Variants in LOC400499 observed in about 807,000 individuals in gnomAD.
the LOC400499 span, among the ~76,000 whole-genome samples, chr16:11,407,684 G>C: frequency 1.3e-5 from 2 of 152,180 alleles, no homozygotes; most frequent in East Asian, 3.8e-4. Flanking sequence ...ATTATGCCTG[G>C]GTGCGTGTCA....
the LOC400499 span, chr16:11,478,554 G>A: frequency 5.0e-5 from 20 of 398,996 alleles, no homozygotes; most frequent in South Asian, 1.5e-3. Flanking sequence ...TGGCGAGCTC[G>A]GCCAAGTTAA....
At chr16:11,435,650 G>A in the LOC400499 span, 1 of 399,370 alleles carries the variant, frequency 2.5e-6, no homozygotes, top group Non-Finnish European at 4.4e-6. Context: ...CAGGCCACCT[G>A]GGGACCATTA....
chr16:11,482,708 C>T, the LOC400499 span, among the ~76,000 whole-genome samples: 3 of 151,958 alleles, frequency 2.0e-5, no homozygotes, highest in Non-Finnish European at 2.9e-5. Context: ...CTGGGCAACA[C>T]AGTGAGACCC....
the LOC400499 span, among the ~76,000 whole-genome samples, chr16:11,400,689 C>T: frequency 6.6e-6 from 1 of 152,198 alleles, no homozygotes; most frequent in African/African-American, 2.4e-5. Flanking sequence ...GATCCACTGG[C>T]CTCGGCCTCC....
the LOC400499 span, among the ~76,000 whole-genome samples, chr16:11,398,175 C>CA: frequency 6.6e-6 from 1 of 152,184 alleles, no homozygotes; most frequent in Non-Finnish European, 1.5e-5. Flanking sequence ...ACCAGAGGCT[C>CA]AGAGAGGAGA....
chr16:11,498,903 GA>G, the LOC400499 span, among the ~76,000 whole-genome samples: 28 of 150,578 alleles, frequency 1.9e-4, no homozygotes, highest in Non-Finnish European at 3.7e-4. Context: ...TCCAGACGGG[GA>G]AAATTGAGGC....
At chr16:11,392,782 T>C in the LOC400499 span, 8 of 984,126 alleles carry the variant, frequency 8.1e-6, no homozygotes, top group African/African-American at 1.4e-4. Context: ...AGTGGCTGGA[T>C]CACAGCTCAC....
chr16:11,376,058 G>A, the LOC400499 span, among the ~76,000 whole-genome samples: 1 of 152,288 alleles, frequency 6.6e-6, no homozygotes, highest in African/African-American at 2.4e-5. Flanking sequence ...TTGTTGAACC[G>A]GGTTGGGTTT....
the LOC400499 span, among the ~76,000 whole-genome samples, chr16:11,522,570 T>A: frequency 2.7e-3 from 415 of 152,306 alleles, 1 homozygote; most frequent in Middle Eastern, 0.014. Flanking sequence ...TCACCCCAGT[T>A]GAGAAGCATT....
the LOC400499 span, among the ~76,000 whole-genome samples, chr16:11,438,715 G>T: frequency 6.6e-6 from 1 of 151,764 alleles, no homozygotes; most frequent in African/African-American, 2.4e-5. Flanking sequence ...CTTGACCCCA[G>T]GTGGTCAAGG....
At chr16:11,514,523 C>T in the LOC400499 span, 13 of 399,674 alleles carry the variant, frequency 3.3e-5, no homozygotes, top group Admixed American at 8.8e-5. Flanking sequence ...GCAGGTCAGG[C>T]GGGAGGTCAG....
the LOC400499 span, among the ~76,000 whole-genome samples, chr16:11,498,637 T>G: frequency 3.8e-3 from 571 of 151,074 alleles, 8 homozygotes; most frequent in African/African-American, 0.013. Flanking sequence ...TCCCAGAACC[T>G]GCCAGGGCTC....
chr16:11,474,744 C>T, the LOC400499 span, among the ~76,000 whole-genome samples: 1 of 151,922 alleles, frequency 6.6e-6, no homozygotes, highest in South Asian at 2.1e-4. Flanking sequence ...TGGTGAGTGC[C>T]TGTAGTCCCA....
the LOC400499 span, among the ~76,000 whole-genome samples, chr16:11,401,799 G>A: frequency 4.5e-4 from 68 of 152,332 alleles, no homozygotes; most frequent in African/African-American, 1.3e-3. Context: ...AACCTATCAC[G>A]GGGTAAGCAT....
chr16:11,430,040 T>A, the LOC400499 span, among the ~76,000 whole-genome samples: 494 of 152,300 alleles, frequency 3.2e-3, 4 homozygotes, highest in African/African-American at 0.011. Context: ...GTCACCAACG[T>A]TGGACAAACA....
the LOC400499 span, chr16:11,384,813 C>A: frequency 8.3e-7 from 1 of 1,206,602 alleles, no homozygotes; most frequent in Non-Finnish European, 1.0e-6. Context: ...CCCCCTGCCG[C>A]CCTGGAAGCT....
At chr16:11,459,315 G>A in the LOC400499 span, among the ~76,000 whole-genome samples, 12 of 147,970 alleles carry the variant, frequency 8.1e-5, no homozygotes, top group Non-Finnish European at 1.8e-4. Context: ...TCCTGCCTCA[G>A]CCTCCCGAGT....
chr16:11,469,461 G>A, the LOC400499 span: 4 of 398,958 alleles, frequency 1.0e-5, no homozygotes, highest in African/African-American at 8.2e-5. Context: ...CCCCGGGTGT[G>A]GCACCGAGTG....
At chr16:11,473,851 T>C in the LOC400499 span, among the ~76,000 whole-genome samples, 1 of 152,166 alleles carries the variant, frequency 6.6e-6, no homozygotes, top group Non-Finnish European at 1.5e-5. Flanking sequence ...GTTTGTTTAG[T>C]TAGTTACCTA....
Sources: allele counts gnomAD v4.1 joint callset (sites outside exome capture counted in the v4.1 genomes callset), GRCh38; gene constraint gnomAD v4.1.1; transcripts MANE v1.5.